The following USP28 variants were observed in gnomAD, a reference collection of about 807,000 sequenced individuals.
USP28 encodes ubiquitin specific peptidase 28.
USP28 carries 113 observed loss-of-function variants against 145.0 expected under a neutral mutation model. The observed-to-expected ratio is 0.78, with a 90% CI of 0.67 to 0.91. USP28 has a LOEUF of 0.91. Among genes scored for constraint, USP28 ranks in the 40% least tolerant of loss-of-function variants. The pLI is 0.00. For synonymous variants in USP28, 447 were observed against 450.9 expected (o/e 0.99, Z 0.11); for missense variants, 1,201 against 1,289.6 (o/e 0.93, Z 1.05).
chr11:113,864,057 G>A (rs1480229233), intron 1 of USP28, among the ~76,000 whole-genome samples: 1 of 150,578 alleles, frequency 6.6e-6, no homozygotes, highest in Non-Finnish European at 1.5e-5. Flanking sequence ...TGGCCAACAT[G>A]GTGAAACCCC....
chr11:113,861,941 G>C (rs758919725), intron 1 of USP28, among the ~76,000 whole-genome samples: 5 of 152,214 alleles, frequency 3.3e-5, no homozygotes, highest in Non-Finnish European at 7.3e-5. Flanking sequence ...GAAAATATCA[G>C]GGAAAGATAT....
intron 5 of USP28, among the ~76,000 whole-genome samples, chr11:113,836,557 A>T (rs1359898841): frequency 2.6e-5 from 4 of 152,160 alleles, no homozygotes; most frequent in African/African-American, 9.7e-5. Context: ...CCAAGTCCTG[A>T]CATCCTCCTA....
intron 4 of USP28, among the ~76,000 whole-genome samples, chr11:113,841,305 C>T (rs1945168947): frequency 6.6e-6 from 1 of 152,194 alleles, no homozygotes; most frequent in South Asian, 2.1e-4. Context: ...ACTTATGAGA[C>T]AGGGTAGTTG....
At position 113,805,137 on chromosome 11, in the gene USP28, CTCTAAAAAGACT is replaced by C. The variant is rs964398375; in HGVS notation, c.2401-103_2401-92del. On this transcript the variant is annotated intron_variant, in intron 19 of 24. Transcript: ENST00000003302. ...GCCTAGGAGCTAGGCAGTCTCTTGA[CTCTAAAAAGACT>C]TCTAAAAAATTCATATCGAATTACA... is the stretch of plus-strand genomic sequence containing the variant. 7 of 1,183,496 alleles carry C rather than the reference CTCTAAAAAGACT, an allele frequency of 5.9e-6. No individual in the cohort carries two copies. The African/African-American group carries it at 9.3e-5, about 16-fold the overall frequency. The allele number at this position is 1,183,496 out of a possible 1,614,324, so 73.3% of individuals were successfully genotyped here.
At chr11:113,827,485 T>C (rs1308479012) in intron 10 of USP28, 125 bp from the exon 11 acceptor site, 5 of 965,092 alleles carry the variant, frequency 5.2e-6, no homozygotes, top group Non-Finnish European at 7.2e-6. Flanking sequence ...CAAGGCAAAC[T>C]CATACTAGAA....
At chr11:113,818,217 T>A (rs922555480) in intron 12 of USP28, 6 of 157,776 alleles carry the variant, frequency 3.8e-5, no homozygotes, top group Middle Eastern at 6.7e-3. Context: ...AGTGGCGCTA[T>A]CTTGGCTCAC....
At chr11:113,854,858 A>C (rs972860656) in intron 1 of USP28, among the ~76,000 whole-genome samples, 1 of 152,238 alleles carries the variant, frequency 6.6e-6, no homozygotes, top group African/African-American at 2.4e-5. Flanking sequence ...TAAAATTACA[A>C]ATATATAAAA....
chr11:113,800,043 T>A (rs1339360942), intron 24 of USP28, among the ~76,000 whole-genome samples: 1 of 152,104 alleles, frequency 6.6e-6, no homozygotes, highest in African/African-American at 2.4e-5. Context: ...TCTCACTCTG[T>A]CGCCCAGGCT....
At chr11:113,817,601 G>A (rs1941929302) in intron 13 of USP28, 57 bp downstream of exon 13, 1 of 1,572,120 alleles carries the variant, frequency 6.4e-7, no homozygotes, top group Non-Finnish European at 8.7e-7. Flanking sequence ...ATGGTGCATA[G>A]TTTAAATTAT....
At chr11:113,868,860 C>T (rs1039698467) in intron 1 of USP28, among the ~76,000 whole-genome samples, 4 of 149,496 alleles carry the variant, frequency 2.7e-5, no homozygotes, top group Non-Finnish European at 4.4e-5. Context: ...GAGGTTGAGG[C>T]TGCAGTGAGC....
At chr11:113,847,408 G>A (rs1475967241) in intron 3 of USP28, among the ~76,000 whole-genome samples, 1 of 123,926 alleles carries the variant, frequency 8.1e-6, no homozygotes, top group Non-Finnish European at 1.6e-5. Context: ...ACATAACAAA[G>A]GACTTGATTT....
At chr11:113,807,065 T>A (rs117568780) in intron 18 of USP28, among the ~76,000 whole-genome samples, 2,044 of 152,182 alleles carry the variant, frequency 0.013, 27 homozygotes, top group Non-Finnish European at 0.025. Context: ...AAGTAAAAAC[T>A]TTTCAAGGAC....
intron 1 of USP28, among the ~76,000 whole-genome samples, chr11:113,866,979 AC>A (rs34942920): frequency 0.5 from 76,623 of 151,992 alleles, 20,568 homozygotes; most frequent in Non-Finnish European, 0.6. Flanking sequence ...AAAAACTCAT[AC>A]ATGCTACAAC....
At chr11:113,843,344 T>C (rs1591373554) in intron 3 of USP28, among the ~76,000 whole-genome samples, 1 of 151,664 alleles carries the variant, frequency 6.6e-6, no homozygotes, top group Non-Finnish European at 1.5e-5. Context: ...ACACTGCCTG[T>C]GTGGTAGCCC....
chr11:113,849,764 T>C (rs970928866), intron 3 of USP28, among the ~76,000 whole-genome samples: 1 of 152,148 alleles, frequency 6.6e-6, no homozygotes, highest in Non-Finnish European at 1.5e-5. Flanking sequence ...AGAAAGATAG[T>C]GCCGACAGCT....
At chr11:113,812,636 T>A in intron 15 of USP28, 132 bp from the exon 16 acceptor site, 2 of 802,306 alleles carry the variant, frequency 2.5e-6, no homozygotes, top group Non-Finnish European at 3.9e-6. Flanking sequence ...TGATTCAAGA[T>A]GAAGTCCACA....
chr11:113,832,685 G>T (rs1944140152), intron 7 of USP28, among the ~76,000 whole-genome samples: 1 of 152,198 alleles, frequency 6.6e-6, no homozygotes, highest in Admixed American at 6.5e-5. Flanking sequence ...TGAGAATTTT[G>T]TAGAACTGTA....
intron 1 of USP28, among the ~76,000 whole-genome samples, chr11:113,865,041 C>T (rs1168411171): frequency 2.6e-5 from 4 of 152,086 alleles, no homozygotes; most frequent in South Asian, 2.1e-4. Context: ...GGTTTCACCA[C>T]GTTGCCCAGG....
At chr11:113,798,063 CTGGTTTTT>C (rs1938240956) in exon 25 of USP28, 1 of 110,190 alleles carries the variant, frequency 9.1e-6, no homozygotes, top group African/African-American at 3.4e-5. Context: ...CATATGTATG[CTGGTTTTT>C]TTTTTTTTTT....
Sources: gnomAD v4.1 joint callset for allele counts (sites outside exome capture counted in the v4.1 genomes callset) on GRCh38, gnomAD v4.1.1 for gene constraint, MANE v1.5 for transcripts, NCBI Gene and HGNC (gene_info 2026-07-23, HGNC 2026-07-21) for gene names.